Variants in CCDC7 observed in about 807,000 individuals in gnomAD.
CCDC7 encodes coiled-coil domain containing 7, also known as coiled-coil domain-containing protein 7.
A neutral mutation model predicts 196.9 loss-of-function variants in CCDC7; 183 were observed. The observed-to-expected ratio is 0.93, with a 90% CI of 0.82 to 1.05. The LOEUF is 1.05. CCDC7 is among the 50% of genes least tolerant of loss of function. CCDC7 has a pLI of 0.00. For missense variants in CCDC7, 1,540 were observed against 1,482.2 expected (o/e 1.04, Z -0.64); for synonymous variants, 525 against 484.6 (o/e 1.08, Z -1.10).
chr10:32,464,823 G>A (rs2036412523), intron 5 of CCDC7, among the ~76,000 whole-genome samples: 2 of 151,970 alleles, frequency 1.3e-5, no homozygotes, highest in Non-Finnish European at 2.9e-5. Context: ...GCCCTCTCAA[G>A]AACTTTGATT....
At chr10:32,562,125 C>T (rs943305123) in intron 13 of CCDC7, among the ~76,000 whole-genome samples, 19 of 152,106 alleles carry the variant, frequency 1.2e-4, no homozygotes, top group African/African-American at 3.9e-4. Context: ...TCTGAATAGA[C>T]GAATAACAGG....
intron 20 of CCDC7, among the ~76,000 whole-genome samples, chr10:32,651,952 T>C (rs1416217227): frequency 6.6e-6 from 1 of 152,232 alleles, no homozygotes; most frequent in Non-Finnish European, 1.5e-5. Flanking sequence ...ATGCTTCTGC[T>C]CTGTCAGAAA....
At chr10:32,605,129 C>G (rs2061438195) in intron 18 of CCDC7, among the ~76,000 whole-genome samples, 1 of 152,094 alleles carries the variant, frequency 6.6e-6, no homozygotes, top group Non-Finnish European at 1.5e-5. Context: ...CCACTCATTA[C>G]TTCCACTCTC....
chr10:32,825,838 A>G (rs1005832366), intron 32 of CCDC7, among the ~76,000 whole-genome samples: 13 of 152,320 alleles, frequency 8.5e-5, no homozygotes, highest in South Asian at 4.1e-4. Flanking sequence ...CCAGGTGTCT[A>G]CTGTTAAAGT....
At chr10:32,453,207 T>C (rs2033538815) in intron 1 of CCDC7, 137 bp from the exon 3 acceptor site, 5 of 552,266 alleles carry the variant, frequency 9.1e-6, no homozygotes, top group Admixed American at 4.6e-5. Context: ...GATGAAAAAT[T>C]TAAGTTTATG....
chr10:32,847,715 TAA>T (rs746585280), intron 37 of CCDC7, 116 bp from the exon 39 acceptor site: 588 of 519,160 alleles, frequency 1.1e-3, no homozygotes, highest in Middle Eastern at 3.8e-3. Context: ...ATCCTGTCTC[TAA>T]AAAAAAAAAG....
At chr10:32,591,163 A>G (rs1243729556) in intron 18 of CCDC7, among the ~76,000 whole-genome samples, 1 of 151,796 alleles carries the variant, frequency 6.6e-6, no homozygotes, top group African/African-American at 2.4e-5. Flanking sequence ...GCCTTTTTGG[A>G]CTTTGCAGCT....
chr10:32,796,897 G>A (rs952275481), intron 29 of CCDC7, among the ~76,000 whole-genome samples: 2 of 152,006 alleles, frequency 1.3e-5, no homozygotes. Flanking sequence ...GAAATTTACT[G>A]GCCTTTTAAA....
chr10:32,703,888 G>A (rs543795665), intron 24 of CCDC7, among the ~76,000 whole-genome samples: 9 of 151,940 alleles, frequency 5.9e-5, no homozygotes, highest in Non-Finnish European at 1.3e-4. Flanking sequence ...GGACCTCTCT[G>A]CATTGGTTAT....
intron 24 of CCDC7, among the ~76,000 whole-genome samples, chr10:32,699,246 T>A (rs1431614588): frequency 7.8e-6 from 1 of 128,944 alleles, no homozygotes; most frequent in African/African-American, 3.0e-5. Context: ...ATGTTCCCCT[T>A]CCTGTGTCCA....
chr10:32,494,080 T>A (rs1389156799), intron 9 of CCDC7, among the ~76,000 whole-genome samples: 1 of 152,176 alleles, frequency 6.6e-6, no homozygotes, highest in East Asian at 1.9e-4. Flanking sequence ...TTGTTACCTG[T>A]GCTTTTGGGG....
intron 11 of CCDC7, among the ~76,000 whole-genome samples, chr10:32,536,203 C>T (rs1186474513): frequency 6.6e-6 from 1 of 152,068 alleles, no homozygotes; most frequent in Non-Finnish European, 1.5e-5. Flanking sequence ...AGGCAGGAAG[C>T]AGAGAGGGTG....
At chr10:32,502,977 C>CA (rs2044312103) in intron 9 of CCDC7, among the ~76,000 whole-genome samples, 1 of 152,040 alleles carries the variant, frequency 6.6e-6, no homozygotes, top group Non-Finnish European at 1.5e-5. Flanking sequence ...TTTATAGAAA[C>CA]ACAACTGATT....
At chr10:32,467,746 T>G (rs2133832677) in intron 5 of CCDC7, among the ~76,000 whole-genome samples, 1 of 152,352 alleles carries the variant, frequency 6.6e-6, no homozygotes, top group South Asian at 2.1e-4. Context: ...TTATTCATCT[T>G]GAGTTAATTT....
chr10:32,867,119 G>A (rs796305628), intron 41 of CCDC7, among the ~76,000 whole-genome samples: 13 of 151,686 alleles, frequency 8.6e-5, no homozygotes, highest in African/African-American at 2.9e-4. Context: ...CACAAATTTA[G>A]TGCATGGTCC....
At chr10:32,753,920 AT>A (rs924980705) in intron 28 of CCDC7, among the ~76,000 whole-genome samples, 2 of 152,006 alleles carry the variant, frequency 1.3e-5, no homozygotes, top group South Asian at 2.1e-4. Flanking sequence ...TCTGTTCCTG[AT>A]TTTTTTTAAA....
intron 38 of CCDC7, 128 bp downstream of exon 39, chr10:32,848,044 T>C: frequency 1.9e-6 from 1 of 528,658 alleles, no homozygotes; most frequent in Non-Finnish European, 3.2e-6. Context: ...AATTTTCTCA[T>C]ATAATTAGTT....
At chr10:32,876,408 C>G (rs1269047281), downstream of CCDC7, 1 of 1,605,618 alleles carries the variant, frequency 6.2e-7, no homozygotes, top group Non-Finnish European at 8.5e-7. Flanking sequence ...GAAGGAAATT[C>G]TGAGCAAGAT....
chr10:32,781,754 C>T (rs1214152045), intron 29 of CCDC7, among the ~76,000 whole-genome samples: 1 of 152,192 alleles, frequency 6.6e-6, no homozygotes, highest in Non-Finnish European at 1.5e-5. Context: ...AATACAAGGA[C>T]ACCTGTTTAG....
Sources: gnomAD v4.1 joint callset for allele counts (sites outside exome capture counted in the v4.1 genomes callset) on GRCh38, gnomAD v4.1.1 for gene constraint, MANE v1.5 for transcripts, NCBI Gene and HGNC (gene_info 2026-07-23, HGNC 2026-07-21) for gene names.